The following THAP12 variants were observed in gnomAD, a reference collection of about 807,000 sequenced individuals.
THAP12 encodes the protein 52 kDa repressor of the inhibitor of the protein kinase.
A neutral mutation model predicts 63.0 loss-of-function variants in THAP12; 20 were observed. That is an observed-to-expected ratio of 0.32 (90% confidence interval 0.22 to 0.46). The LOEUF (loss-of-function observed/expected upper bound fraction) is 0.46, where lower values mean the gene tolerates loss of function less well. THAP12 is among the 20% of genes least tolerant of loss of function. The pLI, the probability that THAP12 is intolerant of heterozygous loss-of-function variation, is 1.00. For synonymous variants in THAP12, 264 were observed against 328.4 expected (o/e 0.80, Z 2.12); for missense variants, 568 against 908.2 (o/e 0.63, Z 4.81).
chr11:76,376,626 T>TTG (rs1168055895), intron 1 of THAP12, among the ~76,000 whole-genome samples: 6 of 107,016 alleles, frequency 5.6e-5, no homozygotes, highest in African/African-American at 1.6e-4. Flanking sequence ...TTTTTTTTGT[T>TTG]TTTTTTTTTT....
chr11:76,357,163 G>A (rs973227076), intron 3 of THAP12: 1 of 152,144 alleles, frequency 6.6e-6, no homozygotes, highest in African/African-American at 2.4e-5. Flanking sequence ...ATTGTATTAG[G>A]TATTATAAAT....
At chr11:76,370,843 A>AAAATAT (rs1555025512) in intron 1 of THAP12, among the ~76,000 whole-genome samples, 1 of 141,530 alleles carries the variant, frequency 7.1e-6, no homozygotes, top group African/African-American at 2.6e-5. Flanking sequence ...AAAAAAAAAA[A>AAAATAT]ATATATATAT....
chr11:76,373,848 T>C (rs1401628056), intron 1 of THAP12, among the ~76,000 whole-genome samples: 2 of 152,186 alleles, frequency 1.3e-5, no homozygotes, highest in Non-Finnish European at 2.9e-5. Flanking sequence ...GGATTTTACC[T>C]AACAACATTT....
intron 2 of THAP12, chr11:76,364,360 C>G: frequency 2.3e-6 from 1 of 429,512 alleles, no homozygotes. Context: ...TCACAAGTAT[C>G]TGCTTCAATT....
At chr11:76,370,167 C>G (rs923220574) in intron 1 of THAP12, among the ~76,000 whole-genome samples, 1 of 152,082 alleles carries the variant, frequency 6.6e-6, no homozygotes, top group African/African-American at 2.4e-5. Context: ...CCTAACTAAT[C>G]CAAGGTATGT....
chr11:76,376,523 T>C (rs1326124208), intron 1 of THAP12, among the ~76,000 whole-genome samples: 1 of 152,004 alleles, frequency 6.6e-6, no homozygotes, highest in Non-Finnish European at 1.5e-5. Flanking sequence ...AGAGGTGTTT[T>C]AGCAAGGGCA....
rs191414465 is a variant in THAP12 at position 76,355,852 on chromosome 11, A to G, written c.319-198T>C. 1.2e-5 allele frequency: 5 copies of G among 416,130 alleles called. No individual in the cohort carries two copies. In the Admixed American group the frequency reaches 2.2e-4, roughly 18 times the overall value. The allele number at this position is 416,130 out of a possible 1,614,324, so 25.8% of individuals were successfully genotyped here. A position where few individuals can be genotyped will look rare whatever the true frequency, so the allele number is the denominator to read the frequency against. ...CCAGAATAAGCTGTTAATGACTCCA[A>G]GGTTATAACAAAGTCTTAGGGAAAA... On this transcript the variant is annotated intron_variant, in intron 3 of 4. Transcript: ENST00000260045.
chr11:76,370,256 G>C (rs1401171645), intron 1 of THAP12, among the ~76,000 whole-genome samples: 2 of 152,174 alleles, frequency 1.3e-5, no homozygotes, highest in African/African-American at 4.8e-5. Context: ...TGGGACGCTA[G>C]TGATACTCTA....
Position 76,351,589 on chromosome 11 carries a change from G to A in THAP12, c.1561C>T (p.Leu521Phe), listed in dbSNP as rs1268757809. The change falls in exon 5 of 5, where the codon CTC (leucine) becomes TTC (phenylalanine). Residue 521 changes from leucine (L) to phenylalanine (F), a missense_variant. Leu to Phe is a conservative substitution (Grantham distance 22). Transcript: ENST00000260045. ...TCAATATTTTCCATCACTTCGTTGAGTGAATGCAGTACTGCAGTCAAGCTA... is the reference window on the plus strand; with the variant it reads ...TCAATATTTTCCATCACTTCGTTGAATGAATGCAGTACTGCAGTCAAGCTA... ...AGSLTAVLHS[L>F]NEVMENIEVY... 6.3e-7 allele frequency: 1 copy of A among 1,587,230 alleles called. No individual in the cohort carries two copies. The highest frequency in any genetic ancestry group is 1.7e-5 in the Admixed American group (1 of 57,456).
chr11:76,355,856 T>C (rs1050261461), intron 3 of THAP12: 2 of 408,680 alleles, frequency 4.9e-6, no homozygotes, highest in Non-Finnish European at 4.3e-6. Context: ...ACTCCAAGGT[T>C]ATAACAAAGT....
Position 76,351,226 on chromosome 11 carries a change from G to T in THAP12, c.1924C>A (p.Leu642Ile). ...LPNPDTLSAE[L>I]HCWRIKWKHR... ...TTCCATTTGATTCTCCAACAATGAA[G>T]CTCAGCTGACAGCGTGTCAGGATTG... Residue 642 changes from leucine to isoleucine, a missense_variant, in exon 5 of 5, where the codon CTT (leucine) becomes ATT (isoleucine). Coordinates refer to ENST00000260045, the MANE Select transcript of THAP12 (RefSeq NM_004705.4). 1.3e-6 allele frequency: 2 copies of T among 1,555,108 alleles called. No homozygotes were observed. Among genetic ancestry groups the T allele is most frequent in the Non-Finnish European group, 1.7e-6 (2 of 1,151,134 alleles).
intron 1 of THAP12, among the ~76,000 whole-genome samples, chr11:76,375,226 T>C (rs1360198650): frequency 6.6e-6 from 1 of 152,078 alleles, no homozygotes; most frequent in Admixed American, 6.6e-5. Flanking sequence ...ACTAGCTGCC[T>C]GAGGAGGAAG....
At chr11:76,357,797 C>A (rs984966107) in intron 3 of THAP12, 2 of 152,080 alleles carry the variant, frequency 1.3e-5, no homozygotes, top group African/African-American at 4.8e-5. Flanking sequence ...ATACCTACAG[C>A]CAGACATGAC....
At chr11:76,371,273 A>G (rs1277603185) in intron 1 of THAP12, among the ~76,000 whole-genome samples, 2 of 152,144 alleles carry the variant, frequency 1.3e-5, no homozygotes, top group African/African-American at 2.4e-5. Flanking sequence ...AACTGTGTTC[A>G]CTTCTATCCT....
chr11:76,380,774 GA>G lies in THAP12; in HGVS notation c.62del (p.Phe21SerfsTer23). ...TRKSTQSDLA[F>X]FRFPRDPARC... ...TGGCAGGGTCCCGCGGGAACCTGAAGAAGGCCAAGTCGGACTGCGTGCTCTT... is the reference window on the plus strand; with the variant it reads ...TGGCAGGGTCCCGCGGGAACCTGAAGAGGCCAAGTCGGACTGCGTGCTCTT... On this transcript the variant is annotated frameshift_variant, in exon 1 of 5. Coordinates refer to ENST00000260045, the MANE Select transcript of THAP12 (RefSeq NM_004705.4). LOFTEE classifies it high-confidence loss of function. 6.8e-7 allele frequency: 1 copy of G among 1,465,334 alleles called. No individual in the cohort carries two copies. Among genetic ancestry groups the G allele is most frequent in the Admixed American group, 2.4e-5 (1 of 42,444 alleles). The allele number at this position is 1,465,334 out of a possible 1,614,324, so 90.8% of individuals were successfully genotyped here.
chr11:76,380,740 C>T lies in THAP12; in HGVS notation c.89+8G>A. On this transcript the variant is annotated splice_region_variant and intron_variant, in intron 1 of 4. Coordinates refer to ENST00000260045, the MANE Select transcript of THAP12 (RefSeq NM_004705.4). The stretch of plus-strand genomic sequence containing the variant: ...GCCCGGGCCGCCCGCTCTGCGCCCG[C>T]CGCTTACCTGGCAGGGTCCCGCGGG... 1 of 1,435,786 alleles carries T rather than the reference C, an allele frequency of 7.0e-7. No homozygotes were observed. The highest frequency in any genetic ancestry group is 9.2e-7 in the Non-Finnish European group (1 of 1,085,902). 88.9% of individuals were successfully genotyped at this position (1,435,786 alleles called of 1,614,324 possible). A position where few individuals can be genotyped will look rare whatever the true frequency, so the allele number is the denominator to read the frequency against.
At chr11:76,373,749 C>T (rs1229960614) in intron 1 of THAP12, among the ~76,000 whole-genome samples, 1 of 151,730 alleles carries the variant, frequency 6.6e-6, no homozygotes, top group African/African-American at 2.4e-5. Flanking sequence ...ATTTGCTGCT[C>T]ACATTTTAGA....
chr11:76,375,077 GC>G (rs1160868531), intron 1 of THAP12, among the ~76,000 whole-genome samples: 1 of 152,170 alleles, frequency 6.6e-6, no homozygotes, highest in African/African-American at 2.4e-5. Context: ...TGTTATAACA[GC>G]CCAAACAGGC....
At chr11:76,364,045 C>G (rs1946615819) in intron 2 of THAP12, among the ~76,000 whole-genome samples, 2 of 152,168 alleles carry the variant, frequency 1.3e-5, no homozygotes, top group African/African-American at 4.8e-5. Flanking sequence ...GTTCTATTCT[C>G]TAACTAAAGA....
Sources: allele counts gnomAD v4.1 joint callset (sites outside exome capture counted in the v4.1 genomes callset), GRCh38; gene constraint gnomAD v4.1.1; transcripts MANE v1.5; gene names NCBI Gene and HGNC (gene_info 2026-07-23, HGNC 2026-07-21).